The following DYRK1A variants were observed in gnomAD, a reference collection of about 807,000 sequenced individuals.
The protein encoded by DYRK1A is dual specificity tyrosine phosphorylation regulated kinase 1A, also known as dual specificity tyrosine-phosphorylation-regulated kinase 1A.
In DYRK1A, 9 loss-of-function variants were observed where a neutral mutation model predicts 79.7. The observed-to-expected ratio is 0.11, with a 90% CI of 0.07 to 0.20. The LOEUF is 0.20. DYRK1A is among the 10% of genes least tolerant of loss of function. The pLI is 1.00. For synonymous variants in DYRK1A, 349 were observed against 329.7 expected (o/e 1.06, Z -0.63); for missense variants, 622 against 956.0 (o/e 0.65, Z 4.61).
At chr21:37,370,480 C>G (rs2049408464) in intron 1 of DYRK1A, among the ~76,000 whole-genome samples, 1 of 152,120 alleles carries the variant, frequency 6.6e-6, no homozygotes, top group East Asian at 1.9e-4. Context: ...GAGTGGGCTT[C>G]ACTTGTGACT....
At chr21:37,460,843 T>C (rs1255023107) in intron 2 of DYRK1A, among the ~76,000 whole-genome samples, 1 of 152,210 alleles carries the variant, frequency 6.6e-6, no homozygotes, top group Admixed American at 6.5e-5. Flanking sequence ...ATTTAAAATA[T>C]TTTATAACTT....
intron 1 of DYRK1A, among the ~76,000 whole-genome samples, chr21:37,386,577 C>T (rs1439053552): frequency 1.3e-5 from 2 of 152,160 alleles, no homozygotes; most frequent in African/African-American, 2.4e-5. Context: ...TTAGCTGCTT[C>T]TTCAATTTAC....
rs536333368 is a variant in DYRK1A at position 37,399,819 on chromosome 21, G to C, written c.-76-20480G>C. On this transcript the variant is annotated intron_variant, in intron 1 of 11. Coordinates refer to ENST00000647188, the MANE Select transcript of DYRK1A (RefSeq NM_001347721.2). Reference sequence around the variant, plus strand: ...AGATTAAGCACAGTTTTTCATCCCAGAATGCAAATTAAGAATACAAACACA... The same window carrying C: ...AGATTAAGCACAGTTTTTCATCCCACAATGCAAATTAAGAATACAAACACA... Among the ~76,000 whole-genome samples, 6 of 152,284 alleles carry C rather than the reference G, an allele frequency of 3.9e-5. No individual in the cohort carries two copies. In the South Asian group the frequency reaches 1.2e-3, roughly 32 times the overall value.
chr21:37,442,307 CCT>C (rs1226511801), intron 2 of DYRK1A, among the ~76,000 whole-genome samples: 7 of 151,918 alleles, frequency 4.6e-5, no homozygotes, highest in African/African-American at 1.7e-4. Flanking sequence ...TTTGGGTTCT[CCT>C]CTCTGTCAGG....
At chr21:37,511,351 G>A (rs1299977581) in intron 11 of DYRK1A, among the ~76,000 whole-genome samples, 2 of 152,218 alleles carry the variant, frequency 1.3e-5, no homozygotes, top group East Asian at 3.8e-4. Context: ...GGCAAGGATG[G>A]AAACAAGGAG....
intron 2 of DYRK1A, among the ~76,000 whole-genome samples, chr21:37,450,950 A>G (rs2051426893): frequency 6.6e-6 from 1 of 152,204 alleles, no homozygotes; most frequent in African/African-American, 2.4e-5. Flanking sequence ...GTATTCCCCT[A>G]AGACTGTAAT....
intron 2 of DYRK1A, among the ~76,000 whole-genome samples, chr21:37,435,361 T>C (rs2050893758): frequency 6.6e-6 from 1 of 152,232 alleles, no homozygotes; most frequent in South Asian, 2.1e-4. Context: ...GGTTTCTGTG[T>C]GCTGTTCTGC....
chr21:37,518,846 C>T lies in DYRK1A; in HGVS notation c.*6315C>T, dbSNP rs970968934. Reference sequence around the variant, plus strand: ...CAGGCTGGTCTTGAACTCCCGACTTCAAGCTATCCACCTGCCTCGGCCTCC... The same window carrying T: ...CAGGCTGGTCTTGAACTCCCGACTTTAAGCTATCCACCTGCCTCGGCCTCC... On this transcript the variant is annotated 3_prime_UTR_variant, in exon 12 of 12. Coordinates refer to ENST00000647188, the MANE Select transcript of DYRK1A (RefSeq NM_001347721.2). The T allele has an allele frequency of 6.6e-6, 1 of 152,150 alleles. No individual in the cohort carries two copies. Among genetic ancestry groups the T allele is most frequent in the Non-Finnish European group, 1.5e-5 (1 of 68,070 alleles). 9.4% of individuals were successfully genotyped at this position (152,150 alleles called of 1,614,324 possible). A position where few individuals can be genotyped will look rare whatever the true frequency, so the allele number is the denominator to read the frequency against.
chr21:37,420,139 C>A, intron 1 of DYRK1A, 160 bp from the exon 2 acceptor site: 1 of 336,984 alleles, frequency 3.0e-6, no homozygotes. Flanking sequence ...TTATTGAAGA[C>A]TAAGGAAAAT....
intron 11 of DYRK1A, among the ~76,000 whole-genome samples, chr21:37,506,566 C>T (rs889808217): frequency 6.6e-6 from 1 of 152,164 alleles, no homozygotes; most frequent in Admixed American, 6.5e-5. Context: ...GTAAATTTCC[C>T]TGGGTCATGA....
intron 11 of DYRK1A, among the ~76,000 whole-genome samples, chr21:37,510,334 T>G (rs904799224): frequency 6.6e-6 from 1 of 152,244 alleles, no homozygotes. Flanking sequence ...TTCTACTGAT[T>G]GTTTTCAGTA....
At chr21:37,387,895 C>G (rs148837076) in intron 1 of DYRK1A, among the ~76,000 whole-genome samples, 5 of 152,216 alleles carry the variant, frequency 3.3e-5, no homozygotes, top group African/African-American at 4.8e-5. Context: ...ACAGCAGATA[C>G]AGTTTGAATT....
chr21:37,492,960 C>A, intron 7 of DYRK1A, 57 bp from the exon 8 acceptor site: 2 of 1,395,526 alleles, frequency 1.4e-6, no homozygotes, highest in African/African-American at 1.4e-5. Flanking sequence ...GTTTTTAATC[C>A]AATGCTGACT....
intron 11 of DYRK1A, among the ~76,000 whole-genome samples, chr21:37,508,134 A>G (rs2053649677): frequency 6.6e-6 from 1 of 152,054 alleles, no homozygotes; most frequent in Non-Finnish European, 1.5e-5. Context: ...CCACATCTTA[A>G]TACGTTTTTA....
intron 1 of DYRK1A, among the ~76,000 whole-genome samples, chr21:37,389,762 T>C (rs1383670588): frequency 6.6e-6 from 1 of 151,922 alleles, no homozygotes; most frequent in Non-Finnish European, 1.5e-5. Flanking sequence ...TGAATATGAG[T>C]ATCCCTAAGG....
chr21:37,473,036 A>AT lies in DYRK1A; in HGVS notation c.207+168dup, dbSNP rs879801718. The stretch of plus-strand genomic sequence containing the variant: ...AAACATGTTAAGAAGTTTGCATTAA[A>AT]TTTTTTTTTTTTAATTTTTACTTGT... On this transcript the variant is annotated intron_variant, in intron 3 of 11. Transcript: ENST00000647188. Among the ~76,000 whole-genome samples, 199 of 149,132 alleles carry AT rather than the reference A, an allele frequency of 1.3e-3. 1 individual carries two copies. The highest frequency in any genetic ancestry group is 3.4e-3 in the Middle Eastern group (1 of 290).
chr21:37,367,461 C>G lies in DYRK1A; in HGVS notation c.-244C>G, dbSNP rs1330229392. On this transcript the variant is annotated 5_prime_UTR_variant, in exon 1 of 12. Coordinates refer to ENST00000647188, the MANE Select transcript of DYRK1A (RefSeq NM_001347721.2). ...CCCGGGCGCCGCTGGAACCGCGAGCCGAGGAGAGACTGAGCAGGCTGCGGC... is the reference window on the plus strand; with the variant it reads ...CCCGGGCGCCGCTGGAACCGCGAGCGGAGGAGAGACTGAGCAGGCTGCGGC... 6.7e-6 allele frequency: 1 copy of G among 148,634 alleles called. No homozygotes were observed. Among genetic ancestry groups the G allele is most frequent in the Non-Finnish European group, 1.5e-5 (1 of 66,630 alleles). The allele number at this position is 148,634 out of a possible 1,614,324, so 9.2% of individuals were successfully genotyped here. A position where few individuals can be genotyped will look rare whatever the true frequency, so the allele number is the denominator to read the frequency against.
chr21:37,499,751 A>G (rs922763028), intron 9 of DYRK1A, among the ~76,000 whole-genome samples: 3 of 152,168 alleles, frequency 2.0e-5, no homozygotes, highest in African/African-American at 7.2e-5. Flanking sequence ...TGATTTTTGT[A>G]TATTGATTTT....
intron 2 of DYRK1A, among the ~76,000 whole-genome samples, chr21:37,433,238 C>T (rs2050828544): frequency 6.6e-6 from 1 of 152,112 alleles, no homozygotes; most frequent in Non-Finnish European, 1.5e-5. Context: ...CCCAGAGCAT[C>T]TGTCACTAGG....
Sources: allele counts gnomAD v4.1 joint callset (sites outside exome capture counted in the v4.1 genomes callset), GRCh38; gene constraint gnomAD v4.1.1; transcripts MANE v1.5; gene names NCBI Gene and HGNC (gene_info 2026-07-23, HGNC 2026-07-21).